The following CTNNA3 variants were observed in gnomAD, a reference collection of about 807,000 sequenced individuals.
CTNNA3 encodes the protein catenin alpha-3.
Under a neutral mutation model 95.7 loss-of-function variants are expected in CTNNA3, and 76 were observed. That is an observed-to-expected ratio of 0.79 (90% confidence interval 0.66 to 0.96). The LOEUF (loss-of-function observed/expected upper bound fraction) is 0.96. Ranked by LOEUF, CTNNA3 falls within the 40% of genes least tolerant of loss-of-function variation. CTNNA3 has a pLI of 0.00. For missense variants in CTNNA3, 1,191 were observed against 1,089.8 expected, an observed-to-expected ratio of 1.09 and a Z score of -1.31; for synonymous variants, 431 against 374.4, an observed-to-expected ratio of 1.15 and a Z score of -1.74.
At chr10:66,145,659 G>A (rs973833874) in intron 13 of CTNNA3, among the ~76,000 whole-genome samples, 1 of 152,170 alleles carries the variant, frequency 6.6e-6, no homozygotes, top group Non-Finnish European at 1.5e-5. Context: ...ACTTGGACCT[G>A]CTGAGCCAGC....
intron 14 of CTNNA3, among the ~76,000 whole-genome samples, chr10:66,099,125 T>C (rs1422800134): frequency 3.3e-5 from 5 of 152,206 alleles, no homozygotes; most frequent in Non-Finnish European, 5.9e-5. Context: ...CAGCAGAGTC[T>C]GCATGATCCA....
chr10:66,360,812 CCTTCCTTT>C (rs1235584980), intron 12 of CTNNA3, among the ~76,000 whole-genome samples: 965 of 52,258 alleles, frequency 0.018, 18 homozygotes, highest in African/African-American at 0.048. Flanking sequence ...TTCCTTCCTT[CCTTCCTTT>C]CTTTCTTTCT....
chr10:66,673,150 A>T (rs1846724361), intron 9 of CTNNA3, among the ~76,000 whole-genome samples: 1 of 152,120 alleles, frequency 6.6e-6, no homozygotes, highest in South Asian at 2.1e-4. Flanking sequence ...GAGGCATTAA[A>T]TGTCCACAGC....
At chr10:66,104,569 A>G (rs2081805491) in intron 13 of CTNNA3, among the ~76,000 whole-genome samples, 1 of 152,170 alleles carries the variant, frequency 6.6e-6, no homozygotes, top group African/African-American at 2.4e-5. Flanking sequence ...TGTGCCCAAT[A>G]TGTAGCTTTT....
chr10:65,945,322 G>A (rs2077500092), intron 17 of CTNNA3, among the ~76,000 whole-genome samples: 1 of 152,150 alleles, frequency 6.6e-6, no homozygotes, highest in African/African-American at 2.4e-5. Context: ...ACATGCATCA[G>A]CATGTTAGTT....
intron 15 of CTNNA3, among the ~76,000 whole-genome samples, chr10:66,010,351 T>A (rs924332443): frequency 6.6e-5 from 10 of 152,198 alleles, no homozygotes; most frequent in African/African-American, 2.4e-4. Flanking sequence ...AAGTAGTTTA[T>A]TCCTGTGAGC....
chr10:66,539,089 A>G (rs181872557), intron 10 of CTNNA3, among the ~76,000 whole-genome samples: 330 of 152,248 alleles, frequency 2.2e-3, no homozygotes, highest in African/African-American at 7.4e-3. Context: ...CTTGTTGTTC[A>G]AAGTGTCATC....
rs2078281620 is a variant in CTNNA3, at chr10:65,979,758, A to C, written c.2265+8934T>G. ...TGAAAAAATGTCAGACATTACATAA[A>C]GGGGAAAAGAGTAAAGCAGCATCTC... On this transcript the variant is annotated intron_variant, in intron 16 of 17. Transcript: ENST00000433211. Among the ~76,000 whole-genome samples, 3 of 152,076 alleles carry C rather than the reference A, an allele frequency of 2.0e-5. No homozygotes were observed. In the South Asian group the frequency reaches 6.2e-4, roughly 31 times the overall value.
At chr10:66,969,889 A>C (rs1185076812) in intron 7 of CTNNA3, among the ~76,000 whole-genome samples, 2 of 152,130 alleles carry the variant, frequency 1.3e-5, no homozygotes, top group Non-Finnish European at 2.9e-5. Context: ...CTCCTATCAG[A>C]AACATCTTAG....
chr10:67,726,815 T>C (rs1330043236), intron 1 of CTNNA3, among the ~76,000 whole-genome samples: 4 of 112,546 alleles, frequency 3.6e-5, no homozygotes, highest in African/African-American at 1.1e-4. Flanking sequence ...TCATATATTA[T>C]AGATATCTAT....
chr10:66,182,422 T>C (rs1361908993), intron 13 of CTNNA3, among the ~76,000 whole-genome samples: 2 of 151,986 alleles, frequency 1.3e-5, no homozygotes, highest in Non-Finnish European at 2.9e-5. Flanking sequence ...CGCCTAGCTA[T>C]TTTTTAATAT....
At chr10:66,520,488 G>C in intron 11 of CTNNA3, 129 bp downstream of exon 11, 1 of 712,574 alleles carries the variant, frequency 1.4e-6, no homozygotes, top group Non-Finnish European at 2.1e-6. Context: ...CTGACCTCAA[G>C]TAATCCACCT....
intron 11 of CTNNA3, among the ~76,000 whole-genome samples, chr10:66,464,754 C>T (rs1375329774): frequency 1.4e-5 from 2 of 147,236 alleles, no homozygotes; most frequent in Admixed American, 6.8e-5. Flanking sequence ...CGGAGTGAGA[C>T]TGTCTCAAAA....
intron 2 of CTNNA3, among the ~76,000 whole-genome samples, chr10:67,618,375 C>T (rs182791711): frequency 9.8e-5 from 15 of 152,318 alleles, no homozygotes; most frequent in African/African-American, 3.4e-4. Flanking sequence ...CTCCTACTTA[C>T]GTATTCCAGA....
intron 17 of CTNNA3, among the ~76,000 whole-genome samples, chr10:65,960,193 T>G (rs1237427111): frequency 6.6e-6 from 1 of 152,154 alleles, no homozygotes; most frequent in East Asian, 1.9e-4. Flanking sequence ...TAAATGTGAT[T>G]CTATCTTTTT....
chr10:67,155,981 T>C (rs1238174470), intron 7 of CTNNA3, among the ~76,000 whole-genome samples: 1 of 152,134 alleles, frequency 6.6e-6, no homozygotes, highest in Non-Finnish European at 1.5e-5. Context: ...TAGTTACATA[T>C]AATGATCAGA....
At chr10:66,652,908 T>A (rs189379202) in intron 9 of CTNNA3, among the ~76,000 whole-genome samples, 1 of 152,222 alleles carries the variant, frequency 6.6e-6, no homozygotes, top group Non-Finnish European at 1.5e-5. Context: ...TGTCCATGGA[T>A]GAAAAAAGCA....
chr10:66,694,257 C>G (rs891688226), intron 9 of CTNNA3, among the ~76,000 whole-genome samples: 21 of 151,814 alleles, frequency 1.4e-4, no homozygotes, highest in African/African-American at 4.6e-4. Flanking sequence ...CAAATAGACA[C>G]AATAAAAAAT....
At chr10:65,958,340 T>C (rs1244701211) in intron 17 of CTNNA3, among the ~76,000 whole-genome samples, 1 of 152,174 alleles carries the variant, frequency 6.6e-6, no homozygotes. Context: ...CATCCTCCTT[T>C]AGCTTGGAGA....
Sources: gnomAD v4.1 joint callset for allele counts (sites outside exome capture counted in the v4.1 genomes callset) on GRCh38, gnomAD v4.1.1 for gene constraint, MANE v1.5 for transcripts, NCBI Gene and HGNC (gene_info 2026-07-23, HGNC 2026-07-21) for gene names.